ZNF41: variants seen among roughly 807,000 people sequenced by gnomAD.
ZNF41 encodes the protein zinc finger protein 41.
A neutral mutation model predicts 9.3 loss-of-function variants in ZNF41; 6 were observed. The observed-to-expected ratio is 0.65, with a 90% confidence interval of 0.35 to 1.28. ZNF41 has a LOEUF of 1.28. ZNF41 is among the 50% of genes most tolerant of loss of function. The pLI is 0.03. For synonymous variants in ZNF41, 192 were observed against 207.1 expected (o/e 0.93, Z 0.63); for missense variants, 523 against 585.8 (o/e 0.89, Z 1.11).
In ZNF41 at chrX:47,447,460, A is replaced by G. The variant is rs148100650; in HGVS notation, c.2310T>C (p.Ser770=). 5.3e-4 allele frequency: 645 copies of G among 1,209,271 alleles called. No individual in the cohort carries two copies. The highest frequency in any genetic ancestry group is 1.2e-3 in the Admixed American group (54 of 45,609). The change falls in exon 5 of 5, where the codon AGT becomes AGC. Residue 770 remains serine, a synonymous_variant. Transcript: ENST00000684689. ...CACTGGCTTTATAGCGTTTTTCTCC[A>G]CTATGCATTTTCTGGTGTTTAATGA... The part of the protein sequence containing the change: ...SNLIKHQKMH[S]GEKRYKASD
intron 1 of ZNF41, 32 bp from the exon 2 acceptor site, chrX:47,467,792 A>G (rs1442856658): frequency 6.0e-6 from 2 of 332,161 alleles, no homozygotes; most frequent in Non-Finnish European, 1.1e-5. Flanking sequence ...TAAAACCCAC[A>G]CCAAGTATTA....
chrX:47,453,982 G>T (rs1162395129), intron 4 of ZNF41, among the ~76,000 whole-genome samples: 1 of 111,437 alleles, frequency 9.0e-6, no homozygotes, highest in East Asian at 2.8e-4. Flanking sequence ...TGAGGCAGGA[G>T]AATCGCTTGA....
chrX:47,455,403 G>A (rs1255706460), intron 4 of ZNF41, among the ~76,000 whole-genome samples: 1 of 109,478 alleles, frequency 9.1e-6, no homozygotes, highest in Non-Finnish European at 1.9e-5. Flanking sequence ...TGGCCAACAT[G>A]GTGAAATCAC....
intron 1 of ZNF41, among the ~76,000 whole-genome samples, chrX:47,469,310 C>CAAAAAAAAAAAAAA (rs749426044): frequency 5.6e-5 from 2 of 35,945 alleles, no homozygotes; most frequent in African/African-American, 1.0e-4. Flanking sequence ...GACTCCGTCT[C>CAAAAAAAAAAAAAA]AAAAAAAAAA....
chrX:47,446,968 G>C lies in ZNF41; in HGVS notation c.*462C>G, dbSNP rs2056134859. 1 of 119,782 alleles carries C rather than the reference G, an allele frequency of 8.3e-6. No individual in the cohort carries two copies. The highest frequency in any genetic ancestry group is 1.7e-5 in the Non-Finnish European group (1 of 58,101). 9.9% of individuals were successfully genotyped at this position (119,782 alleles called of 1,213,427 possible). On this transcript the variant is annotated 3_prime_UTR_variant, in exon 5 of 5. Coordinates refer to ENST00000684689, the MANE Select transcript of ZNF41 (RefSeq NM_001324144.2). ...AGTGCCCTGCCAGTGTTTGGACAAT[G>C]AAAACTCTTCTCCTCAACCTAGAAA...
intron 2 of ZNF41, among the ~76,000 whole-genome samples, chrX:47,457,130 C>T (rs376491415): frequency 9.8e-5 from 11 of 112,200 alleles, no homozygotes; most frequent in African/African-American, 2.9e-4. Flanking sequence ...ATACATCAGG[C>T]TGGGCATGGT....
At chrX:47,466,339 C>T (rs1034111545) in intron 2 of ZNF41, among the ~76,000 whole-genome samples, 2 of 110,563 alleles carry the variant, frequency 1.8e-5, no homozygotes, top group Non-Finnish European at 3.8e-5. Flanking sequence ...CTGGCTCGCT[C>T]GTGGTCCTCC....
In ZNF41 at chrX:47,448,944, A is replaced by G; in HGVS notation, c.826T>C (p.Cys276Arg). 8.3e-7 allele frequency: 1 copy of G among 1,211,702 alleles called. No homozygotes were observed. The highest frequency in any genetic ancestry group is 1.1e-6 in the Non-Finnish European group (1 of 895,465). ...PEEKLYVCTE[C>R]VMGFTQKSHL... Reference sequence around the variant, plus strand: ...GACTTCTGAGTGAAGCCCATTACACATTCAGTACACACATAAAGCTTCTCC... The same window carrying G: ...GACTTCTGAGTGAAGCCCATTACACGTTCAGTACACACATAAAGCTTCTCC... Residue 276 changes from cysteine to arginine, a missense_variant, in exon 5 of 5, where the codon TGT becomes CGT. Coordinates refer to ENST00000684689, the MANE Select transcript of ZNF41 (RefSeq NM_001324144.2).
intron 4 of ZNF41, among the ~76,000 whole-genome samples, chrX:47,455,187 G>A (rs1164112537): frequency 9.2e-6 from 1 of 109,213 alleles, no homozygotes; most frequent in Non-Finnish European, 1.9e-5. Context: ...AGAAGTTGCA[G>A]TGAAACGAGA....
Position 47,447,855 on chromosome X carries a change from C to A in ZNF41, c.1915G>T (p.Asp639Tyr). Residue 639 changes from aspartate to tyrosine, a missense_variant, in exon 5 of 5, where the codon GAC (aspartate) becomes TAC (tyrosine). Physicochemically the swap from Asp to Tyr is radical, Grantham distance 160. Coordinates refer to ENST00000684689, the MANE Select transcript of ZNF41 (RefSeq NM_001324144.2). Reference sequence around the variant, plus strand: ...TTCTTAGTGAAGCATTTCCCACAGTCGCTGCATTCATAAGGCTTCTCTCCA... The same window carrying A: ...TTCTTAGTGAAGCATTTCCCACAGTAGCTGCATTCATAAGGCTTCTCTCCA... ...HTGEKPYECS[D>Y]CGKCFTKKSQ... 1 of 1,211,462 alleles carries A rather than the reference C, an allele frequency of 8.3e-7. No individual in the cohort carries two copies. The highest frequency in any genetic ancestry group is 1.1e-6 in the Non-Finnish European group (1 of 895,449).
intron 1 of ZNF41, among the ~76,000 whole-genome samples, chrX:47,475,181 A>T (rs2057304970): frequency 9.2e-6 from 1 of 108,708 alleles, no homozygotes; most frequent in African/African-American, 3.3e-5. Context: ...ATGTATATAT[A>T]CACCCACACA....
intron 2 of ZNF41, among the ~76,000 whole-genome samples, chrX:47,466,902 T>G (rs1050178944): frequency 9.0e-6 from 1 of 111,205 alleles, no homozygotes; most frequent in Non-Finnish European, 1.9e-5. Flanking sequence ...GTCTCTAAGT[T>G]CCAAAGAAAA....
chrX:47,471,459 A>T (rs965586825), intron 1 of ZNF41, among the ~76,000 whole-genome samples: 4 of 107,509 alleles, frequency 3.7e-5, no homozygotes, highest in Non-Finnish European at 5.8e-5. Context: ...CCAAAAAAGA[A>T]AAAAAAAAAG....
intron 2 of ZNF41, among the ~76,000 whole-genome samples, chrX:47,457,586 C>T (rs2147602184): frequency 9.0e-6 from 1 of 111,674 alleles, no homozygotes; most frequent in Admixed American, 9.5e-5. Flanking sequence ...TGCCTGTAAT[C>T]CCACCACTTT....
At position 47,462,237 on chromosome X, in the gene ZNF41, G is replaced by A. The variant is rs770664738; in HGVS notation, c.72+5173C>T. Among the ~76,000 whole-genome samples the A allele has an allele frequency of 9.1e-5, 10 of 110,344 alleles. No individual in the cohort carries two copies. The East Asian group carries it at 1.1e-3, about 13-fold the overall frequency. On this transcript the variant is annotated intron_variant, in intron 2 of 4. Transcript: ENST00000684689. ...TCCATCTGAGTGTTTCCTGTTCCCCGGGACTGTTCTCTGTGGCCCTGCAAC... is the reference window on the plus strand; with the variant it reads ...TCCATCTGAGTGTTTCCTGTTCCCCAGGACTGTTCTCTGTGGCCCTGCAAC...
rs754363563 is a variant in ZNF41, at chrX:47,462,074, C to A, written c.72+5336G>T. Among the ~76,000 whole-genome samples the A allele has an allele frequency of 2.1e-4, 23 of 109,402 alleles. No homozygotes were observed. In the South Asian group the frequency reaches 9.0e-3, roughly 43 times the overall value. On this transcript the variant is annotated intron_variant, in intron 2 of 4. Coordinates refer to ENST00000684689, the MANE Select transcript of ZNF41 (RefSeq NM_001324144.2). ...GGAGGGCAGTGGTGCAATCATGGCT[C>A]ACTGCAGCCTCAAACTCCCGGGCTC...
chrX:47,476,687 G>A (rs1182949951), intron 1 of ZNF41: 1 of 110,762 alleles, frequency 9.0e-6, no homozygotes, highest in African/African-American at 3.3e-5. Context: ...TGATAAACTG[G>A]AACCCTCATA....
At chrX:47,462,289 C>T (rs745850751) in intron 2 of ZNF41, among the ~76,000 whole-genome samples, 63 of 111,673 alleles carry the variant, frequency 5.6e-4, no homozygotes, top group African/African-American at 1.9e-3. Context: ...TGGCTTTCCC[C>T]GCTTCCCTTG....
At chrX:47,456,146 T>A (rs1029440594) in intron 3 of ZNF41, 126 bp downstream of exon 3, 12 of 1,070,490 alleles carry the variant, frequency 1.1e-5, no homozygotes, top group African/African-American at 1.1e-4. Context: ...ATCACAGAGG[T>A]GAAAAGGAAC....
Sources: gnomAD v4.1 joint callset for allele counts (sites outside exome capture counted in the v4.1 genomes callset) on GRCh38, gnomAD v4.1.1 for gene constraint, MANE v1.5 for transcripts, NCBI Gene and HGNC (gene_info 2026-07-23, HGNC 2026-07-21) for gene names.